USH1C: variants seen among roughly 807,000 people sequenced by gnomAD.
USH1C encodes the protein USH1 protein network component harmonin, also known as harmonin.
Under a neutral mutation model 119.3 loss-of-function variants are expected in USH1C, and 90 were observed. That is an observed-to-expected ratio of 0.75 (90% CI 0.64 to 0.90). The LOEUF is 0.90. Among genes scored for constraint, USH1C ranks in the 40% least tolerant of loss-of-function variants. The probability of loss-of-function intolerance (pLI) is 0.00; values close to 1 mark genes in which losing one functional copy is unlikely to be tolerated. For missense variants in USH1C, 1,165 were observed against 1,167.7 expected (o/e 1.00, Z 0.03); for synonymous variants, 465 against 443.3 (o/e 1.05, Z -0.62).
intron 16 of USH1C, 113 bp from the exon 17 acceptor site, chr11:17,510,634 C>T (rs1278503210): frequency 2.4e-6 from 2 of 817,720 alleles, no homozygotes; most frequent in Non-Finnish European, 2.1e-6. Context: ...CTGTGAGGTG[C>T]ATCAGCTATC....
At chr11:17,534,345 G>GGGGA (rs1382771976) in intron 1 of USH1C, among the ~76,000 whole-genome samples, 1 of 152,248 alleles carries the variant, frequency 6.6e-6, no homozygotes, top group African/African-American at 2.4e-5. Context: ...CCACCACAGA[G>GGGGA]GGGACATGCT....
chr11:17,495,694 G>T lies in USH1C; in HGVS notation c.2547-17C>A, dbSNP rs754140435. ...AGAGAAGCTCTATATATACAGAGCA[G>T]AGCAAGAAACACAAAACAGGCTTGG... On this transcript the variant is annotated splice_polypyrimidine_tract_variant and intron_variant, in intron 25 of 26. Coordinates refer to ENST00000005226, the MANE Select transcript of USH1C (RefSeq NM_153676.4). 2 of 1,612,794 alleles carry T rather than the reference G, an allele frequency of 1.2e-6. No homozygotes were observed. Among genetic ancestry groups the T allele is most frequent in the South Asian group, 2.2e-5 (2 of 91,054 alleles).
intron 16 of USH1C, among the ~76,000 whole-genome samples, chr11:17,511,374 G>C (rs1047216141): frequency 6.6e-6 from 1 of 152,088 alleles, no homozygotes; most frequent in Non-Finnish European, 1.5e-5. Flanking sequence ...CCTGGGAAGG[G>C]AGGCCAGAGT....
At position 17,498,323 on chromosome 11, in the gene USH1C, T is replaced by G. The variant is rs1402190865; in HGVS notation, c.2381-52A>C. Reference sequence around the variant, plus strand: ...AACTGGGCTGTATGTGACACGTGCCTGGCCCAGGGCTTGGCAAAGGGGGGT... The same window carrying G: ...AACTGGGCTGTATGTGACACGTGCCGGGCCCAGGGCTTGGCAAAGGGGGGT... On this transcript the variant is annotated intron_variant, in intron 23 of 26. Coordinates refer to ENST00000005226, the MANE Select transcript of USH1C (RefSeq NM_153676.4). The G allele has an allele frequency of 2.6e-6, 4 of 1,551,056 alleles. No individual in the cohort carries two copies. In the East Asian group the frequency reaches 9.0e-5, roughly 35 times the overall value.
chr11:17,515,051 A>ATG (rs1444537100), intron 15 of USH1C, among the ~76,000 whole-genome samples: 1 of 126,914 alleles, frequency 7.9e-6, no homozygotes, highest in East Asian at 2.6e-4. Context: ...CTATGTGTGC[A>ATG]TGTGTGTGTG....
At position 17,544,395 on chromosome 11, in the gene USH1C, CG is replaced by C; in HGVS notation, c.-89del. ...AGCTGGAAAGAGCCGCGACCGCGAC[CG>C]GGCCAGCCGCCCTCGGAGCTGGGGG... On this transcript the variant is annotated 5_prime_UTR_variant, in exon 1 of 27. Coordinates refer to ENST00000005226, the MANE Select transcript of USH1C (RefSeq NM_153676.4). 1.3e-6 allele frequency: 2 copies of C among 1,589,196 alleles called. No individual in the cohort carries two copies. Among genetic ancestry groups the C allele is most frequent in the Non-Finnish European group, 1.7e-6 (2 of 1,163,222 alleles).
At chr11:17,533,984 C>G in intron 1 of USH1C, 1 of 278,856 alleles carries the variant, frequency 3.6e-6, no homozygotes, top group Middle Eastern at 7.4e-4. Context: ...TTGTTGACGT[C>G]AATGGCTGGC....
intron 25 of USH1C, among the ~76,000 whole-genome samples, chr11:17,496,506 A>T (rs1591953539): frequency 6.6e-6 from 1 of 152,330 alleles, no homozygotes; most frequent in Admixed American, 6.5e-5. Flanking sequence ...TACCCGGTCT[A>T]AGACCTCATG....
chr11:17,541,324 T>C (rs1283245071), intron 1 of USH1C, among the ~76,000 whole-genome samples: 2 of 152,358 alleles, frequency 1.3e-5, no homozygotes, highest in East Asian at 3.9e-4. Flanking sequence ...CTTTATTTTG[T>C]TTTTTGATGC....
At chr11:17,498,679 T>C (rs1234990155) in intron 23 of USH1C, among the ~76,000 whole-genome samples, 1 of 152,228 alleles carries the variant, frequency 6.6e-6, no homozygotes, top group Non-Finnish European at 1.5e-5. Flanking sequence ...TTCATGTCGC[T>C]GTTCCCTACC....
intron 9 of USH1C, 77 bp from the exon 10 acceptor site, chr11:17,523,555 G>C (rs1850524217): frequency 1.4e-6 from 2 of 1,432,380 alleles, no homozygotes; most frequent in Admixed American, 1.8e-5. Context: ...GGCTCCCCCA[G>C]GGGCTCTGGG....
chr11:17,494,517 C>G (rs1289042017), intron 26 of USH1C, 141 bp from the exon 27 acceptor site: 2 of 941,674 alleles, frequency 2.1e-6, no homozygotes, highest in Non-Finnish European at 3.3e-6. Flanking sequence ...CCTCTGGGTG[C>G]AGGCCCCAAG....
intron 1 of USH1C, among the ~76,000 whole-genome samples, chr11:17,540,847 C>G (rs1344031854): frequency 2.0e-5 from 3 of 152,166 alleles, no homozygotes; most frequent in Non-Finnish European, 4.4e-5. Flanking sequence ...TCAGTGGATT[C>G]TCTACAGAGC....
intron 19 of USH1C, 84 bp downstream of exon 19, chr11:17,505,746 G>T: frequency 6.3e-7 from 1 of 1,594,334 alleles, no homozygotes. Flanking sequence ...CACCTCACTT[G>T]CCCTCCAGAG....
Position 17,504,586 on chromosome 11 carries a change from C to T in USH1C, c.2184+61G>A, listed in dbSNP as rs7932625. 4,079 of 1,577,986 alleles carry T rather than the reference C, an allele frequency of 2.6e-3. 90 individuals are homozygous for T. In the African/African-American group the frequency reaches 0.05, roughly 19 times the overall value. ...TACTCCCAGAGAGAAAGAAGTGGCA[C>T]AGAGTGGGAGGGACGGGGGTGGTGG... On this transcript the variant is annotated intron_variant, in intron 20 of 26. Transcript: ENST00000005226.
intron 24 of USH1C, among the ~76,000 whole-genome samples, chr11:17,497,400 C>G (rs1021656483): frequency 6.6e-6 from 1 of 152,198 alleles, no homozygotes; most frequent in Non-Finnish European, 1.5e-5. Context: ...ATCTCTCTCT[C>G]TTTCCCCAGG....
intron 24 of USH1C, chr11:17,497,026 C>T: frequency 3.7e-6 from 2 of 547,860 alleles, no homozygotes; most frequent in South Asian, 4.7e-5. Flanking sequence ...GGCTGCAAGG[C>T]CCTTGAATGA....
chr11:17,502,235 G>A (rs1479191314), intron 20 of USH1C, among the ~76,000 whole-genome samples: 1 of 152,120 alleles, frequency 6.6e-6, no homozygotes, highest in Non-Finnish European at 1.5e-5. Flanking sequence ...CGGCACAAGC[G>A]TCAGGGGCTG....
At chr11:17,519,885 A>C (rs565154425) in intron 14 of USH1C, among the ~76,000 whole-genome samples, 1 of 152,180 alleles carries the variant, frequency 6.6e-6, no homozygotes, top group African/African-American at 2.4e-5. Flanking sequence ...TAGGTCTCAT[A>C]TGTGACCCAA....
Sources: gnomAD v4.1 joint callset for allele counts (sites outside exome capture counted in the v4.1 genomes callset) on GRCh38, gnomAD v4.1.1 for gene constraint, MANE v1.5 for transcripts, NCBI Gene and HGNC (gene_info 2026-07-23, HGNC 2026-07-21) for gene names.